Variants in AGBL4 observed in about 807,000 individuals in gnomAD.
The protein encoded by AGBL4 is cytosolic carboxypeptidase 6.
Under a neutral mutation model 66.4 loss-of-function variants are expected in AGBL4, and 58 were observed. The ratio of observed to expected loss-of-function variants is 0.87; its 90% CI spans 0.71 to 1.09. The LOEUF (loss-of-function observed/expected upper bound fraction) is 1.09. Ranked by LOEUF, AGBL4 falls within the 50% of genes least tolerant of loss-of-function variation. The pLI, the probability that AGBL4 is intolerant of heterozygous loss-of-function variation, is 0.00. For missense variants in AGBL4, 579 were observed against 631.0 expected, an observed-to-expected ratio of 0.92 and a Z score of 0.88; for synonymous variants, 234 against 222.9, an observed-to-expected ratio of 1.05 and a Z score of -0.44.
intron 3 of AGBL4, among the ~76,000 whole-genome samples, chr1:49,450,434 C>T (rs1646254138): frequency 1.3e-5 from 2 of 151,976 alleles, no homozygotes; most frequent in Admixed American, 6.6e-5. Context: ...AAATAGTAGA[C>T]AAAGCTCTAG....
chr1:49,193,073 AT>A (rs1464465021), intron 4 of AGBL4, among the ~76,000 whole-genome samples: 2 of 152,012 alleles, frequency 1.3e-5, no homozygotes, highest in African/African-American at 4.8e-5. Flanking sequence ...TACCTTTCTC[AT>A]TTCTGATTAT....
chr1:49,948,568 T>TAAATAA (rs1205762791), intron 1 of AGBL4, among the ~76,000 whole-genome samples: 1 of 70,472 alleles, frequency 1.4e-5, no homozygotes, highest in Admixed American at 1.5e-4. Flanking sequence ...TATAAAAATA[T>TAAATAA]ATATATATAT....
intron 1 of AGBL4, among the ~76,000 whole-genome samples, chr1:49,917,971 C>T (rs1651743579): frequency 6.6e-6 from 1 of 152,172 alleles, no homozygotes; most frequent in Non-Finnish European, 1.5e-5. Context: ...GAACAACCTG[C>T]TCCTGAATGA....
intron 3 of AGBL4, among the ~76,000 whole-genome samples, chr1:49,397,050 G>A (rs1291485429): frequency 1.3e-5 from 2 of 152,122 alleles, no homozygotes; most frequent in Non-Finnish European, 2.9e-5. Flanking sequence ...ACACTTCTAT[G>A]AGGATCTAAT....
chr1:49,562,604 AG>A, intron 3 of AGBL4, among the ~76,000 whole-genome samples: 1 of 152,276 alleles, frequency 6.6e-6, no homozygotes, highest in Admixed American at 6.5e-5. Flanking sequence ...GGTTTGTCAA[AG>A]ATCAGATATT....
intron 1 of AGBL4, among the ~76,000 whole-genome samples, chr1:50,016,001 G>A (rs1292619204): frequency 6.6e-6 from 1 of 152,088 alleles, no homozygotes; most frequent in Non-Finnish European, 1.5e-5. Flanking sequence ...TGACTTAAAT[G>A]TAAAAACTAA....
At chr1:49,401,072 G>T (rs754804427) in intron 3 of AGBL4, among the ~76,000 whole-genome samples, 2 of 152,034 alleles carry the variant, frequency 1.3e-5, no homozygotes, top group South Asian at 2.1e-4. Context: ...GTCCATCCTC[G>T]CATTGCTATG....
intron 5 of AGBL4, among the ~76,000 whole-genome samples, chr1:48,877,774 G>C (rs895310867): frequency 7.9e-5 from 12 of 152,050 alleles, no homozygotes; most frequent in Non-Finnish European, 4.4e-5. Flanking sequence ...TGTGTTGTTT[G>C]AATAAGGATT....
chr1:49,470,664 C>T (rs1646723713), intron 3 of AGBL4, among the ~76,000 whole-genome samples: 1 of 151,968 alleles, frequency 6.6e-6, no homozygotes, highest in Admixed American at 6.6e-5. Context: ...ATGGCAACAC[C>T]CAAAAGTTAC....
At chr1:49,395,077 A>G (rs1227466247) in intron 3 of AGBL4, among the ~76,000 whole-genome samples, 1 of 152,178 alleles carries the variant, frequency 6.6e-6, no homozygotes, top group Non-Finnish European at 1.5e-5. Context: ...ATACAGACAC[A>G]TTTGCTATTA....
intron 8 of AGBL4, among the ~76,000 whole-genome samples, chr1:48,644,511 G>A (rs369654607): frequency 3.3e-5 from 5 of 152,122 alleles, no homozygotes; most frequent in Non-Finnish European, 5.9e-5. Flanking sequence ...CAAAGTATGC[G>A]CTTGGGGATG....
chr1:48,610,485 G>A (rs987934442), intron 9 of AGBL4, among the ~76,000 whole-genome samples: 1 of 152,064 alleles, frequency 6.6e-6, no homozygotes, highest in African/African-American at 2.4e-5. Context: ...ATGAAGAAAT[G>A]GATGACTGAA....
At chr1:48,550,627 G>A (rs1016930243) in intron 11 of AGBL4, among the ~76,000 whole-genome samples, 2 of 152,076 alleles carry the variant, frequency 1.3e-5, no homozygotes, top group Admixed American at 6.5e-5. Context: ...TGTCTTTGGG[G>A]GTCATTATTC....
intron 2 of AGBL4, among the ~76,000 whole-genome samples, chr1:49,698,593 C>T (rs1196798691): frequency 6.6e-6 from 1 of 152,004 alleles, no homozygotes; most frequent in Non-Finnish European, 1.5e-5. Context: ...AGGAACCTGG[C>T]TCTAACCACT....
At chr1:49,457,135 T>G (rs1646407726) in intron 3 of AGBL4, among the ~76,000 whole-genome samples, 1 of 151,778 alleles carries the variant, frequency 6.6e-6, no homozygotes, top group South Asian at 2.1e-4. Context: ...TTTTAGTTCT[T>G]TAAGGTCTTT....
At chr1:49,803,049 ATATATAAGT>A (rs1644900311) in intron 2 of AGBL4, among the ~76,000 whole-genome samples, 1 of 150,946 alleles carries the variant, frequency 6.6e-6, no homozygotes, top group South Asian at 2.1e-4. Context: ...TAAATATATG[ATATATAAGT>A]TATATATGTA....
At chr1:49,652,340 A>G (rs901664846) in intron 3 of AGBL4, among the ~76,000 whole-genome samples, 1 of 152,176 alleles carries the variant, frequency 6.6e-6, no homozygotes, top group Non-Finnish European at 1.5e-5. Flanking sequence ...AAATACAAGA[A>G]ATATAGAGAA....
chr1:49,735,824 T>C (rs182045593), intron 2 of AGBL4, among the ~76,000 whole-genome samples: 46 of 152,134 alleles, frequency 3.0e-4, no homozygotes, highest in African/African-American at 2.2e-4. Flanking sequence ...TATGAGGAGA[T>C]AGAAGTATAA....
At chr1:48,866,244 G>A (rs1648073326) in intron 6 of AGBL4, among the ~76,000 whole-genome samples, 2 of 152,114 alleles carry the variant, frequency 1.3e-5, no homozygotes, top group Admixed American at 6.5e-5. Context: ...CTTTGTGGAG[G>A]GAAGGGCTGA....
Sources: allele counts gnomAD v4.1 joint callset (sites outside exome capture counted in the v4.1 genomes callset), GRCh38; gene constraint gnomAD v4.1.1; transcripts MANE v1.5; gene names NCBI Gene and HGNC (gene_info 2026-07-23, HGNC 2026-07-21).